Variants in COL11A1 observed in about 807,000 individuals in gnomAD.
COL11A1 encodes collagen alpha-1(XI) chain.
COL11A1 carries 74 observed loss-of-function variants against 265.2 expected under a neutral mutation model. The ratio of observed to expected loss-of-function variants is 0.28; its 90% CI spans 0.23 to 0.34. The LOEUF is 0.34. Ranked by LOEUF, COL11A1 falls within the 10% of genes least tolerant of loss-of-function variation. COL11A1 has a pLI of 1.00. For missense variants in COL11A1, 2,165 were observed against 2,263.6 expected, an observed-to-expected ratio of 0.96 and a Z score of 0.88; for synonymous variants, 816 against 727.6, an observed-to-expected ratio of 1.12 and a Z score of -1.96.
chr1:102,903,079 C>G lies in COL11A1; in HGVS notation c.4087-4085G>C, dbSNP rs1365406061. Reference sequence around the variant, plus strand: ...AATGCTTAAATTATTTTGGTCAGCTCTAGATTTTTTTTTCAGTAAAAGGAC... The same window carrying G: ...AATGCTTAAATTATTTTGGTCAGCTGTAGATTTTTTTTTCAGTAAAAGGAC... On this transcript the variant is annotated intron_variant, in intron 54 of 66. Transcript: ENST00000370096. 4.0e-5 allele frequency among the ~76,000 whole-genome samples: 6 copies of G among 151,758 alleles called. No homozygotes were observed. In the East Asian group the frequency reaches 7.7e-4, roughly 20 times the overall value.
At position 103,012,394 on chromosome 1, in the gene COL11A1, C is replaced by T. The variant is rs1048925411; in HGVS notation, c.1629+19G>A. On this transcript the variant is annotated intron_variant, in intron 14 of 66. Transcript: ENST00000370096. ...ATTTGAAAATTTTAACATATATTATCTTTGTTGGGGTAACCTACCACAGGA... is the reference window on the plus strand; with the variant it reads ...ATTTGAAAATTTTAACATATATTATTTTTGTTGGGGTAACCTACCACAGGA... 8 of 1,606,902 alleles carry T rather than the reference C, an allele frequency of 5.0e-6. No individual in the cohort carries two copies. The highest frequency in any genetic ancestry group is 4.0e-5 in the African/African-American group (3 of 74,728).
At chr1:103,035,416 C>T (rs768772386) in intron 4 of COL11A1, among the ~76,000 whole-genome samples, 1 of 152,168 alleles carries the variant, frequency 6.6e-6, no homozygotes, top group Middle Eastern at 3.4e-3. Context: ...CAAAAACACA[C>T]ATCCACTAAT....
intron 50 of COL11A1, among the ~76,000 whole-genome samples, chr1:102,915,221 G>A (rs1259797605): frequency 6.6e-6 from 1 of 152,124 alleles, no homozygotes; most frequent in Non-Finnish European, 1.5e-5. Context: ...AAGACCAAAA[G>A]TGTCTCCAGA....
intron 63 of COL11A1, among the ~76,000 whole-genome samples, chr1:102,884,993 C>T (rs556677254): frequency 2.6e-5 from 4 of 152,222 alleles, no homozygotes; most frequent in Admixed American, 2.6e-4. Context: ...GGGGTTCTAC[C>T]CCGTACCTGG....
chr1:102,912,990 A>T (rs12127007), intron 53 of COL11A1, among the ~76,000 whole-genome samples: 9,035 of 152,264 alleles, frequency 0.059, 331 homozygotes, highest in Non-Finnish European at 0.085. Context: ...ACCTCACAGC[A>T]GTATGAGAAT....
intron 1 of COL11A1, among the ~76,000 whole-genome samples, chr1:103,094,710 T>C (rs1673603289): frequency 1.3e-5 from 2 of 152,130 alleles, no homozygotes; most frequent in African/African-American, 2.4e-5. Context: ...CTTAAGAACA[T>C]TTTCTGTTCT....
intron 57 of COL11A1, 101 bp from the exon 58 acceptor site, chr1:102,890,605 G>A (rs1005038439): frequency 3.6e-5 from 34 of 939,686 alleles, no homozygotes; most frequent in African/African-American, 5.1e-5. Flanking sequence ...TTGAAAATAC[G>A]GAGTTGAAAA....
intron 40 of COL11A1, 103 bp from the exon 41 acceptor site, chr1:102,962,022 A>C (rs1660958930): frequency 8.9e-7 from 1 of 1,120,234 alleles, no homozygotes; most frequent in African/African-American, 1.5e-5. Flanking sequence ...TAATGTTTAT[A>C]GACATAACTA....
chr1:102,997,959 A>G (rs1664781699), intron 25 of COL11A1, among the ~76,000 whole-genome samples: 1 of 151,922 alleles, frequency 6.6e-6, no homozygotes, highest in Non-Finnish European at 1.5e-5. Flanking sequence ...TAGGAGAGGA[A>G]ACAGCTTGGG....
In COL11A1 at chr1:102,979,078, C is replaced by T. The variant is rs1470835502; in HGVS notation, c.2637G>A (p.Arg879=). The change falls in exon 33 of 67, where the codon CGG becomes CGA. Residue 879 remains arginine (R), a synonymous_variant. Coordinates refer to ENST00000370096, the MANE Select transcript of COL11A1 (RefSeq NM_001854.4). ...ARGVAGKPGP[R]GQRGPTGPRG... ...CACCTACCGTTGGACCACGCTGACC[C>T]CGAGGGCCTGGTTTGCCAGCTACTC... The T allele has an allele frequency of 1.2e-6, 2 of 1,613,946 alleles. No individual in the cohort carries two copies. The highest frequency in any genetic ancestry group is 1.3e-5 in the African/African-American group (1 of 74,890).
intron 31 of COL11A1, among the ~76,000 whole-genome samples, chr1:102,981,828 T>C (rs1663069884): frequency 6.6e-6 from 1 of 152,020 alleles, no homozygotes. Context: ...GAAACAGCTA[T>C]CATTTTATAG....
chr1:102,957,804 C>T (rs1208868793), intron 41 of COL11A1, among the ~76,000 whole-genome samples: 2 of 151,794 alleles, frequency 1.3e-5, no homozygotes, highest in Non-Finnish European at 2.9e-5. Flanking sequence ...TATACTTCTT[C>T]AAGCCTCAGA....
intron 4 of COL11A1, among the ~76,000 whole-genome samples, chr1:103,072,552 G>A (rs1462926560): frequency 6.6e-6 from 1 of 151,418 alleles, no homozygotes; most frequent in East Asian, 1.9e-4. Context: ...TAAGTATATA[G>A]GTATTATAAT....
chr1:103,007,051 T>C (rs1571013543), intron 15 of COL11A1, among the ~76,000 whole-genome samples: 1 of 152,200 alleles, frequency 6.6e-6, no homozygotes, highest in South Asian at 2.1e-4. Context: ...GCGCTTATAA[T>C]GTTGGATTGT....
At chr1:102,974,802 A>C (rs1315156431) in intron 36 of COL11A1, 28 bp downstream of exon 36, 1 of 1,577,580 alleles carries the variant, frequency 6.3e-7, no homozygotes, top group African/African-American at 1.3e-5. Flanking sequence ...TCAAATGAAG[A>C]AAGAGAAAGA....
chr1:102,929,445 A>G (rs1187810554), intron 46 of COL11A1, among the ~76,000 whole-genome samples: 10 of 151,716 alleles, frequency 6.6e-5, no homozygotes, highest in Admixed American at 5.3e-4. Flanking sequence ...TGTTCCATTG[A>G]TCTATATCTC....
At chr1:103,069,245 T>C (rs1321947238) in intron 4 of COL11A1, among the ~76,000 whole-genome samples, 1 of 151,798 alleles carries the variant, frequency 6.6e-6, no homozygotes, top group East Asian at 1.9e-4. Flanking sequence ...AGTTCAGTAA[T>C]AGGTGCACTA....
At chr1:103,021,000 A>T (rs6689957) in intron 9 of COL11A1, among the ~76,000 whole-genome samples, 1 of 144,580 alleles carries the variant, frequency 6.9e-6, no homozygotes, top group Admixed American at 6.8e-5. Context: ...TTTATTCTTT[A>T]TCATTTTTCT....
Position 103,074,947 on chromosome 1 carries a change from G to A in COL11A1, c.489-167C>T, listed in dbSNP as rs79300645. On this transcript the variant is annotated intron_variant, in intron 3 of 66. Coordinates refer to ENST00000370096, the MANE Select transcript of COL11A1 (RefSeq NM_001854.4). ...CCAGTTAACAGATGACTACTTACTCGTTACCCAACAGTACTAGGTACCCAA... is the reference window on the plus strand; with the variant it reads ...CCAGTTAACAGATGACTACTTACTCATTACCCAACAGTACTAGGTACCCAA... 0.015 allele frequency among the ~76,000 whole-genome samples: 2,246 copies of A among 152,098 alleles called. 44 individuals carry two copies. Among genetic ancestry groups the A allele is most frequent in the African/African-American group, 0.051 (2,133 of 41,492 alleles).
Sources: allele counts gnomAD v4.1 joint callset (sites outside exome capture counted in the v4.1 genomes callset), GRCh38; gene constraint gnomAD v4.1.1; transcripts MANE v1.5; gene names NCBI Gene and HGNC (gene_info 2026-07-23, HGNC 2026-07-21).